DNAH9: variants seen among roughly 807,000 people sequenced by gnomAD.
DNAH9 encodes the protein DNAH9 variant protein.
Under a neutral mutation model 471.6 loss-of-function variants are expected in DNAH9, and 345 were observed. The ratio of observed to expected loss-of-function variants is 0.73; its 90% CI spans 0.67 to 0.80. The LOEUF (loss-of-function observed/expected upper bound fraction) is 0.80, where lower values mean the gene tolerates loss of function less well. DNAH9 is among the 30% of genes least tolerant of loss of function. The pLI is 0.00. For synonymous variants in DNAH9, 2,093 were observed against 2,123.6 expected, an observed-to-expected ratio of 0.99 and a Z score of 0.40; for missense variants, 5,407 against 5,609.2, an observed-to-expected ratio of 0.96 and a Z score of 1.15.
intron 14 of DNAH9, 107 bp downstream of exon 14, chr17:11,653,109 C>A: frequency 8.3e-7 from 1 of 1,202,484 alleles, no homozygotes; most frequent in South Asian, 1.4e-5. Flanking sequence ...GCAGTGTCTT[C>A]CGAAGACAAG....
At chr17:11,700,367 G>A (rs1164689383) in intron 23 of DNAH9, among the ~76,000 whole-genome samples, 1 of 151,924 alleles carries the variant, frequency 6.6e-6, no homozygotes, top group African/African-American at 2.4e-5. Flanking sequence ...CCTTCCCCTT[G>A]GAGAACAAAC....
Position 11,619,447 on chromosome 17 carries a change from G to A in DNAH9, c.1117-101G>A, listed in dbSNP as rs10852799. Reference sequence around the variant, plus strand: ...GTCAGATGTTTCCTCTATTATCCTCGTGAAAAATATTACTGGGGCAATGAT... The same window carrying A: ...GTCAGATGTTTCCTCTATTATCCTCATGAAAAATATTACTGGGGCAATGAT... On this transcript the variant is annotated intron_variant, in intron 5 of 68. Coordinates refer to ENST00000262442, the MANE Select transcript of DNAH9 (RefSeq NM_001372.4). The A allele has an allele frequency of 0.97, 724,510 of 746,972 alleles. 351,401 individuals carry two copies. The highest frequency in any genetic ancestry group is 1 in the East Asian group (40,780 of 40,792). 46.3% of individuals were successfully genotyped at this position (746,972 alleles called of 1,614,324 possible).
At chr17:11,726,794 A>C (rs2075160308) in intron 27 of DNAH9, among the ~76,000 whole-genome samples, 1 of 152,146 alleles carries the variant, frequency 6.6e-6, no homozygotes, top group African/African-American at 2.4e-5. Context: ...TATGCCTGTC[A>C]TCCCAGCACT....
intron 4 of DNAH9, among the ~76,000 whole-genome samples, chr17:11,615,100 A>G (rs77483960): frequency 0.036 from 5,501 of 152,276 alleles, 338 homozygotes; most frequent in African/African-American, 0.12. Flanking sequence ...TCTCCCAAGC[A>G]GCACTCAGCG....
chr17:11,857,795 T>C (rs1328784660), intron 50 of DNAH9, among the ~76,000 whole-genome samples: 1 of 152,146 alleles, frequency 6.6e-6, no homozygotes, highest in Non-Finnish European at 1.5e-5. Flanking sequence ...TCTTGTGATA[T>C]CTGGTCATTT....
At chr17:11,822,381 C>A in intron 46 of DNAH9, 57 bp from the exon 47 acceptor site, 1 of 1,599,102 alleles carries the variant, frequency 6.3e-7, no homozygotes, top group Non-Finnish European at 8.6e-7. Flanking sequence ...ATATCTGCCT[C>A]TCCGTGAGTA....
chr17:11,795,501 A>G (rs1463681422), intron 42 of DNAH9, among the ~76,000 whole-genome samples: 1 of 152,156 alleles, frequency 6.6e-6, no homozygotes, highest in Non-Finnish European at 1.5e-5. Flanking sequence ...AGTCCATCCC[A>G]ACCTATGTGA....
At chr17:11,732,987 C>T (rs1229245587) in intron 28 of DNAH9, among the ~76,000 whole-genome samples, 3 of 152,124 alleles carry the variant, frequency 2.0e-5, no homozygotes, top group South Asian at 2.1e-4. Flanking sequence ...GTCTCAGAGC[C>T]GAGGGAGCTT....
rs1367771505 is a variant in DNAH9, at chr17:11,962,270, T to G, written c.13233+14T>G. 1 of 1,575,168 alleles carries G rather than the reference T, an allele frequency of 6.3e-7. No homozygotes were observed. Among genetic ancestry groups the G allele is most frequent in the South Asian group, 1.2e-5 (1 of 86,770 alleles). ...TGGGACACACAGGTAAAGCTTGGAA[T>G]GAACCAAAGGGCAGCTTTCTGGGGG... On this transcript the variant is annotated intron_variant, in intron 68 of 68. Transcript: ENST00000262442. This position sits in a 1 kb window ranked among gnomAD's most constrained non-coding sequence, Gnocchi z 4.1.
At position 11,961,958 on chromosome 17, in the gene DNAH9, C is replaced by G; in HGVS notation, c.12935C>G (p.Pro4312Arg). Residue 4312 changes from proline to arginine, a missense_variant, in exon 68 of 69, where the codon CCT (proline) becomes CGT (arginine). Pro to Arg is a moderately radical substitution (Grantham distance 103, BLOSUM62 -2). Transcript: ENST00000262442. ...VPESWARRAY[P>R]STAGLAAWFP... Reference sequence around the variant, plus strand: ...GAGTCCTGGGCTAGACGAGCCTACCCTTCCACAGCAGGCCTGGCAGCCTGG... The same window carrying G: ...GAGTCCTGGGCTAGACGAGCCTACCGTTCCACAGCAGGCCTGGCAGCCTGG... The G allele has an allele frequency of 6.2e-7, 1 of 1,614,192 alleles. No homozygotes were observed. The highest frequency in any genetic ancestry group is 8.5e-7 in the Non-Finnish European group (1 of 1,180,050).
At chr17:11,916,400 T>C (rs1288021941) in intron 61 of DNAH9, among the ~76,000 whole-genome samples, 1 of 152,256 alleles carries the variant, frequency 6.6e-6, no homozygotes, top group Non-Finnish European at 1.5e-5. Flanking sequence ...TAGGCACCTG[T>C]GCCTCTCTCT....
intron 22 of DNAH9, among the ~76,000 whole-genome samples, chr17:11,699,076 G>T (rs2079722): frequency 0.8 from 121,303 of 151,592 alleles, 48,728 homozygotes; most frequent in East Asian, 0.99. Context: ...TGGTGAAACC[G>T]CATCTCTACT....
intron 45 of DNAH9, 74 bp from the exon 46 acceptor site, chr17:11,821,846 G>T: frequency 6.5e-7 from 1 of 1,528,010 alleles, no homozygotes. Context: ...CCTAAGGTAG[G>T]ATAACTTCCC....
intron 54 of DNAH9, 28 bp from the exon 55 acceptor site, chr17:11,881,181 T>G (rs758414266): frequency 6.2e-7 from 1 of 1,612,998 alleles, no homozygotes; most frequent in Non-Finnish European, 8.5e-7. Context: ...GAAGGCACCT[T>G]ACCTTCACAT....
chr17:11,741,784 A>G (rs1447636590), intron 29 of DNAH9, among the ~76,000 whole-genome samples: 1 of 152,210 alleles, frequency 6.6e-6, no homozygotes. Context: ...GAGAAACTCA[A>G]TTCCTTATTC....
chr17:11,673,607 T>TG (rs1388320169), intron 17 of DNAH9, among the ~76,000 whole-genome samples: 1 of 151,684 alleles, frequency 6.6e-6, no homozygotes, highest in East Asian at 1.9e-4. Flanking sequence ...ATTTGTTTTT[T>TG]TTTTTTTTTT....
chr17:11,818,995 C>A (rs59271552), intron 45 of DNAH9, among the ~76,000 whole-genome samples: 1 of 151,814 alleles, frequency 6.6e-6, no homozygotes, highest in African/African-American at 2.4e-5. Context: ...CCCGCCCCTA[C>A]TTCCTAATTC....
rs138199490 is a variant in DNAH9 at position 11,820,439 on chromosome 17, C to T, written c.8708-1481C>T. On this transcript the variant is annotated intron_variant, in intron 45 of 68. Coordinates refer to ENST00000262442, the MANE Select transcript of DNAH9 (RefSeq NM_001372.4). ...AAAAATAAGGTGTAGTTTTAATATA[C>T]ATTTTCATTAAGAGTAAGATTGACT... 4.9e-4 allele frequency among the ~76,000 whole-genome samples: 74 copies of T among 152,090 alleles called. 1 individual carries two copies. In the East Asian group the frequency reaches 0.014, roughly 28 times the overall value.
rs2072921210 is a variant in DNAH9 at position 11,623,870 on chromosome 17, A to G, written c.1350+4089A>G. On this transcript the variant is annotated intron_variant, in intron 6 of 68. Transcript: ENST00000262442. This position sits in a 1 kb window ranked among gnomAD's most constrained non-coding sequence, Gnocchi z 4.1. The stretch of plus-strand genomic sequence containing the variant: ...AATCCCCACAATTCTCCCAGATTTC[A>G]TTTCTCTGATGTGAGTTGCTTTTTT... Among the ~76,000 whole-genome samples the G allele has an allele frequency of 6.6e-6, 1 of 152,082 alleles. No homozygotes were observed. Among genetic ancestry groups the G allele is most frequent in the South Asian group, 2.1e-4 (1 of 4,822 alleles).
Sources: gnomAD v4.1 joint callset for allele counts (sites outside exome capture counted in the v4.1 genomes callset) on GRCh38, gnomAD v4.1.1 for gene constraint, Gnocchi (gnomAD v3.1) non-coding constraint, MANE v1.5 for transcripts, NCBI Gene and HGNC (gene_info 2026-07-23, HGNC 2026-07-21) for gene names.